Variants in SNX3 observed in about 807,000 individuals in gnomAD.
The protein encoded by SNX3 is sorting nexin 3, also known as sorting nexin-3.
Under a neutral mutation model 17.7 loss-of-function variants are expected in SNX3, and 5 were observed. That is an observed-to-expected ratio of 0.28 (90% CI 0.15 to 0.59). The LOEUF (loss-of-function observed/expected upper bound fraction) is 0.59, where lower values mean the gene tolerates loss of function less well. SNX3 is among the 20% of genes least tolerant of loss of function. SNX3 has a pLI of 0.88. For missense variants in SNX3, 132 were observed against 206.8 expected, an observed-to-expected ratio of 0.64 and a Z score of 2.22; for synonymous variants, 91 against 76.5, an observed-to-expected ratio of 1.19 and a Z score of -0.99.
intron 1 of SNX3, among the ~76,000 whole-genome samples, chr6:108,236,182 TAGTC>T (rs1775323207): frequency 6.6e-6 from 1 of 151,696 alleles, no homozygotes. Context: ...CCTCTAAGAA[TAGTC>T]ATATGAAACA....
chr6:108,219,307 G>C (rs1316555358), intron 2 of SNX3, among the ~76,000 whole-genome samples: 1 of 151,416 alleles, frequency 6.6e-6, no homozygotes, highest in Non-Finnish European at 1.5e-5. Context: ...CAAAGCCTAT[G>C]TATCAAGACA....
intron 1 of SNX3, among the ~76,000 whole-genome samples, chr6:108,242,790 T>G (rs914262714): frequency 5.3e-5 from 8 of 152,336 alleles, no homozygotes; most frequent in African/African-American, 1.7e-4. Flanking sequence ...GTGAGCCCCT[T>G]AAAAGGGGGC....
At chr6:108,252,721 C>T (rs1466077916) in intron 1 of SNX3, among the ~76,000 whole-genome samples, 1 of 152,040 alleles carries the variant, frequency 6.6e-6, no homozygotes, top group Non-Finnish European at 1.5e-5. Flanking sequence ...CCCACCGCAA[C>T]CTCTGCCTCC....
At chr6:108,225,060 A>G (rs1370078371) in intron 1 of SNX3, among the ~76,000 whole-genome samples, 1 of 152,112 alleles carries the variant, frequency 6.6e-6, no homozygotes, top group African/African-American at 2.4e-5. Context: ...AGGCGGGCGG[A>G]TCACGAGGTC....
intron 1 of SNX3, among the ~76,000 whole-genome samples, chr6:108,231,062 C>T (rs545941009): frequency 4.2e-4 from 63 of 150,934 alleles, no homozygotes; most frequent in African/African-American, 6.1e-4. Context: ...AACATCCTAG[C>T]GCGCTACAGG....
At chr6:108,226,114 G>C (rs941039034) in intron 1 of SNX3, among the ~76,000 whole-genome samples, 2 of 151,714 alleles carry the variant, frequency 1.3e-5, no homozygotes, top group African/African-American at 4.8e-5. Context: ...ATTTGAGACA[G>C]GGTTTCACTC....
intron 1 of SNX3, among the ~76,000 whole-genome samples, chr6:108,233,468 T>C (rs969752823): frequency 6.6e-6 from 1 of 152,160 alleles, no homozygotes; most frequent in African/African-American, 2.4e-5. Context: ...GCAACTGATC[T>C]AGGGTGGAAT....
chr6:108,255,811 C>A (rs376464324), intron 1 of SNX3, among the ~76,000 whole-genome samples: 9 of 152,240 alleles, frequency 5.9e-5, no homozygotes, highest in African/African-American at 1.9e-4. Context: ...GAGGAAAAAA[C>A]ATATACAAGT....
At chr6:108,237,706 G>C (rs377723709) in intron 1 of SNX3, among the ~76,000 whole-genome samples, 1 of 151,450 alleles carries the variant, frequency 6.6e-6, no homozygotes, top group East Asian at 1.9e-4. Flanking sequence ...GGAGAATCAC[G>C]TGAACCAGGG....
At chr6:108,212,963 C>A (rs1277035551) in intron 3 of SNX3, among the ~76,000 whole-genome samples, 5 of 147,130 alleles carry the variant, frequency 3.4e-5, no homozygotes, top group Non-Finnish European at 7.4e-5. Context: ...TCTTGGCTCA[C>A]TGCAACCTCT....
intron 1 of SNX3, among the ~76,000 whole-genome samples, chr6:108,237,181 T>G (rs1775372872): frequency 6.6e-6 from 1 of 152,200 alleles, no homozygotes; most frequent in Non-Finnish European, 1.5e-5. Flanking sequence ...CTGTTAGGTA[T>G]AATAAGTGGT....
chr6:108,224,695 A>C (rs1455644908), intron 1 of SNX3, among the ~76,000 whole-genome samples: 5 of 152,248 alleles, frequency 3.3e-5, no homozygotes, highest in Non-Finnish European at 7.3e-5. Flanking sequence ...AAAAATGCCA[A>C]GAAAAGCAGG....
intron 1 of SNX3, among the ~76,000 whole-genome samples, chr6:108,245,669 C>T (rs1034438277): frequency 1.3e-5 from 2 of 152,220 alleles, no homozygotes; most frequent in African/African-American, 4.8e-5. Flanking sequence ...GAGATGGTAT[C>T]TCATTGTAGT....
At chr6:108,248,685 AC>A (rs1289206493) in intron 1 of SNX3, among the ~76,000 whole-genome samples, 2 of 152,204 alleles carry the variant, frequency 1.3e-5, no homozygotes, top group Non-Finnish European at 2.9e-5. Context: ...CTAAACTAAG[AC>A]AAAAATTCTA....
intron 1 of SNX3, among the ~76,000 whole-genome samples, chr6:108,240,559 C>T (rs1303786299): frequency 1.3e-5 from 2 of 152,178 alleles, no homozygotes; most frequent in Non-Finnish European, 2.9e-5. Flanking sequence ...TGTTACCATG[C>T]TCCACCAGCT....
intron 1 of SNX3, among the ~76,000 whole-genome samples, chr6:108,241,289 G>A (rs922178349): frequency 5.3e-5 from 8 of 151,892 alleles, no homozygotes; most frequent in African/African-American, 1.5e-4. Context: ...ATGAGAAGAC[G>A]GCACGAAGTA....
chr6:108,211,956 T>TGGAATGA lies in SNX3; in HGVS notation c.*186_*192dup, dbSNP rs1774418847. 2 of 494,304 alleles carry TGGAATGA rather than the reference T, an allele frequency of 4.0e-6. No homozygotes were observed. The highest frequency in any genetic ancestry group is 7.1e-6 in the Non-Finnish European group (2 of 280,794). 30.6% of individuals were successfully genotyped at this position (494,304 alleles called of 1,614,324 possible). ...GAAAGAGCTATTTATATAGAAAGGC[T>TGGAATGA]GGAATGAGGGATTTTTACTAAAGCA... is the stretch of plus-strand genomic sequence containing the variant. On this transcript the variant is annotated 3_prime_UTR_variant, in exon 4 of 4. Transcript: ENST00000230085.
chr6:108,257,636 T>C lies in SNX3; in HGVS notation c.162+3124A>G, dbSNP rs1027043433. The stretch of plus-strand genomic sequence containing the variant: ...AATAAGGCCTAATTTCCTTACTATA[T>C]GGTGTCCTTAGTTTTAAGTTAACAC... On this transcript the variant is annotated intron_variant, in intron 1 of 3. Transcript: ENST00000230085. 5.3e-5 allele frequency among the ~76,000 whole-genome samples: 8 copies of C among 152,218 alleles called. No individual in the cohort carries two copies. The East Asian group carries it at 9.6e-4, about 18-fold the overall frequency.
At chr6:108,220,968 C>CAAA (rs561160526) in intron 2 of SNX3, among the ~76,000 whole-genome samples, 1 of 138,714 alleles carries the variant, frequency 7.2e-6, no homozygotes, top group Admixed American at 7.3e-5. Context: ...GGCTCAGTCT[C>CAAA]AAAAAAAAAA....
Sources: allele counts gnomAD v4.1 joint callset (sites outside exome capture counted in the v4.1 genomes callset), GRCh38; gene constraint gnomAD v4.1.1; transcripts MANE v1.5; gene names NCBI Gene and HGNC (gene_info 2026-07-23, HGNC 2026-07-21).